Variants in PDGFRA observed in about 807,000 individuals in gnomAD.
The protein encoded by PDGFRA is platelet derived growth factor receptor alpha.
PDGFRA carries 25 observed loss-of-function variants against 121.5 expected under a neutral mutation model. The ratio of observed to expected loss-of-function variants is 0.21; its 90% confidence interval spans 0.15 to 0.29. The LOEUF (loss-of-function observed/expected upper bound fraction) is 0.29, where lower values mean the gene tolerates loss of function less well. PDGFRA is among the 10% of genes least tolerant of loss of function. The pLI is 1.00. For synonymous variants in PDGFRA, 463 were observed against 494.8 expected, an observed-to-expected ratio of 0.94 and a Z score of 0.85; for missense variants, 1,008 against 1,345.1, an observed-to-expected ratio of 0.75 and a Z score of 3.92.
intron 5 of PDGFRA, among the ~76,000 whole-genome samples, chr4:54,266,823 T>G (rs1252971564): frequency 6.6e-6 from 1 of 151,968 alleles, no homozygotes; most frequent in Non-Finnish European, 1.5e-5. Flanking sequence ...TCTACAAAAA[T>G]TTTTAAAAAT....
At chr4:54,232,758 T>C (rs1720756516) in intron 1 of PDGFRA, among the ~76,000 whole-genome samples, 1 of 152,202 alleles carries the variant, frequency 6.6e-6, no homozygotes, top group Non-Finnish European at 1.5e-5. Context: ...CTAATTTTTG[T>C]ATTTTTAGTA....
At chr4:54,231,206 T>C (rs7679903) in intron 1 of PDGFRA, among the ~76,000 whole-genome samples, 37,900 of 152,140 alleles carry the variant, frequency 0.25, 5,069 homozygotes, top group Admixed American at 0.33. Context: ...CACTCCATCT[T>C]CCTGGGTGGG....
intron 14 of PDGFRA, 50 bp downstream of exon 14, chr4:54,278,056 T>C (rs1723838166): frequency 9.0e-7 from 1 of 1,106,960 alleles, no homozygotes; most frequent in Non-Finnish European, 1.4e-6. Context: ...CATGTGGTTG[T>C]GAAAACTGTT....
At chr4:54,259,772 G>A (rs1052533597) in intron 2 of PDGFRA, among the ~76,000 whole-genome samples, 34 of 152,172 alleles carry the variant, frequency 2.2e-4, no homozygotes, top group Non-Finnish European at 4.3e-4. Context: ...ATCTTAACAA[G>A]CTTTAGGAAT....
chr4:54,295,346 A>C lies in PDGFRA; in HGVS notation c.*74A>C. On this transcript the variant is annotated 3_prime_UTR_variant, in exon 23 of 23. Coordinates refer to ENST00000257290, the MANE Select transcript of PDGFRA (RefSeq NM_006206.6). ...CCGTTCAGAAAACCACTTTATTGCA[A>C]TGCAGAGGTTGAGAGGAGGACTTGG... 6.8e-7 allele frequency: 1 copy of C among 1,477,898 alleles called. No homozygotes were observed. Among genetic ancestry groups the C allele is most frequent in the Non-Finnish European group, 9.5e-7 (1 of 1,058,164 alleles). The allele number at this position is 1,477,898 out of a possible 1,614,324, so 91.5% of individuals were successfully genotyped here.
intron 1 of PDGFRA, among the ~76,000 whole-genome samples, chr4:54,256,601 A>G (rs1722386490): frequency 6.6e-6 from 1 of 151,554 alleles, no homozygotes; most frequent in South Asian, 2.1e-4. Flanking sequence ...CTGGAGTGCA[A>G]TGGTGCGATC....
chr4:54,281,594 A>G, intron 16 of PDGFRA: 2 of 1,352,030 alleles, frequency 1.5e-6, no homozygotes, highest in Non-Finnish European at 1.9e-6. Context: ...GGGCTGGTGG[A>G]GTTGGCACGA....
intron 1 of PDGFRA, among the ~76,000 whole-genome samples, chr4:54,236,855 C>A (rs1167204086): frequency 6.6e-6 from 1 of 152,058 alleles, no homozygotes; most frequent in Non-Finnish European, 1.5e-5. Context: ...CACAAACAGG[C>A]CTGATTTCTA....
chr4:54,277,362 G>T (rs1327621226), intron 12 of PDGFRA, 26 bp from the exon 13 acceptor site: 1 of 1,541,958 alleles, frequency 6.5e-7, no homozygotes, highest in South Asian at 1.1e-5. Context: ...GAGTTTTTGG[G>T]TGTTAATGAT....
intron 17 of PDGFRA, 86 bp from the exon 18 acceptor site, chr4:54,285,755 C>A (rs2110336902): frequency 7.0e-7 from 1 of 1,430,794 alleles, no homozygotes; most frequent in South Asian, 1.1e-5. Flanking sequence ...CTCCAAGTGC[C>A]ACCATGGATC....
chr4:54,246,136 C>T (rs1356869060), intron 1 of PDGFRA, among the ~76,000 whole-genome samples: 5 of 152,180 alleles, frequency 3.3e-5, no homozygotes, highest in African/African-American at 9.7e-5. Context: ...TAACACCCCA[C>T]TGTCAATATT....
Position 54,261,358 on chromosome 4 carries a change from A to T in PDGFRA, c.313A>T (p.Thr105Ser). ...GTTGTACACTTGCTATTACAACCAC[A>T]CTCAGACAGAAGAGAATGAGCTTGA... is the stretch of plus-strand genomic sequence containing the variant. ...TGLYTCYYNHTQTEENELEGR... is the reference protein window; with the variant it reads ...TGLYTCYYNHSQTEENELEGR... The change falls in exon 3 of 23, where the codon ACT (threonine) becomes TCT (serine). Residue 105 changes from threonine (T) to serine (S), a missense_variant. By Grantham distance (58) the Thr-to-Ser change is moderately conservative. This residue lies in a region of PDGFRA where 575 missense variants were observed against 701.8 expected (regional missense o/e 0.82). Coordinates refer to ENST00000257290, the MANE Select transcript of PDGFRA (RefSeq NM_006206.6). 1 of 1,614,132 alleles carries T rather than the reference A, an allele frequency of 6.2e-7. No homozygotes were observed. Among genetic ancestry groups the T allele is most frequent in the Non-Finnish European group, 8.5e-7 (1 of 1,180,000 alleles).
At chr4:54,275,062 G>A in intron 12 of PDGFRA, 89 bp downstream of exon 12, 3 of 1,430,450 alleles carry the variant, frequency 2.1e-6, no homozygotes, top group Non-Finnish European at 2.9e-6. Flanking sequence ...AGAGATCTGA[G>A]CTTGTGCTTA....
At chr4:54,251,369 C>T (rs2110217041) in intron 1 of PDGFRA, among the ~76,000 whole-genome samples, 1 of 152,230 alleles carries the variant, frequency 6.6e-6, no homozygotes, top group East Asian at 1.9e-4. Context: ...CTACTATGGA[C>T]AAAATTTGGA....
intron 1 of PDGFRA, among the ~76,000 whole-genome samples, chr4:54,257,527 G>A (rs1722437776): frequency 6.6e-6 from 1 of 152,144 alleles, no homozygotes; most frequent in Non-Finnish European, 1.5e-5. Context: ...TAGGGATCTG[G>A]TGCATCCCAG....
At chr4:54,266,926 G>A (rs888731703) in intron 5 of PDGFRA, among the ~76,000 whole-genome samples, 3 of 152,180 alleles carry the variant, frequency 2.0e-5, no homozygotes, top group Non-Finnish European at 4.4e-5. Context: ...GGGCTGCAGT[G>A]AGCCATGATT....
At chr4:54,242,560 C>T (rs1429733668) in intron 1 of PDGFRA, among the ~76,000 whole-genome samples, 3 of 151,860 alleles carry the variant, frequency 2.0e-5, no homozygotes, top group African/African-American at 7.3e-5. Context: ...TATACACACA[C>T]ATATATATGT....
chr4:54,239,031 T>C (rs1721157136), intron 1 of PDGFRA, among the ~76,000 whole-genome samples: 1 of 152,150 alleles, frequency 6.6e-6, no homozygotes, highest in Non-Finnish European at 1.5e-5. Flanking sequence ...GTGAAGAAGC[T>C]GGCCAAAACC....
chr4:54,261,638 C>G (rs1722722101), intron 3 of PDGFRA, among the ~76,000 whole-genome samples: 1 of 151,748 alleles, frequency 6.6e-6, no homozygotes, highest in African/African-American at 2.4e-5. Context: ...TATGACATGT[C>G]CTGTATTGAT....
Sources: gnomAD v4.1 joint callset for allele counts (sites outside exome capture counted in the v4.1 genomes callset) on GRCh38, gnomAD v4.1.1 for gene constraint, gnomAD v4.1.1 regional missense constraint, MANE v1.5 for transcripts, NCBI Gene and HGNC (gene_info 2026-07-23, HGNC 2026-07-21) for gene names.